The following UBFD1 variants were observed in gnomAD, a reference collection of about 807,000 sequenced individuals.
The protein encoded by UBFD1 is ubiquitin domain-containing protein UBFD1.
Under a neutral mutation model 35.1 loss-of-function variants are expected in UBFD1, and 12 were observed. The observed-to-expected ratio is 0.34, with a 90% confidence interval of 0.22 to 0.55. The LOEUF is 0.55. UBFD1 is among the 20% of genes least tolerant of loss of function. The probability of loss-of-function intolerance (pLI) is 0.89; values close to 1 mark genes in which losing one functional copy is unlikely to be tolerated. For synonymous variants in UBFD1, 178 were observed against 167.6 expected (o/e 1.06, Z -0.48); for missense variants, 337 against 410.8 (o/e 0.82, Z 1.55).
At chr16:23,558,341 C>T (rs1965860422) in intron 2 of UBFD1, 62 bp downstream of exon 2, 2 of 1,561,192 alleles carry the variant, frequency 1.3e-6, no homozygotes, top group African/African-American at 2.8e-5. Context: ...CCCTTGCACC[C>T]TACTAGGCAC....
At chr16:23,570,351 G>A (rs192781557) in intron 6 of UBFD1, 129 bp from the exon 7 acceptor site, 10 of 708,170 alleles carry the variant, frequency 1.4e-5, no homozygotes, top group Admixed American at 1.0e-4. Flanking sequence ...TGCTCCCCAC[G>A]TGCAAAGTTT....
At chr16:23,562,381 A>G (rs1965949223) in intron 4 of UBFD1, 110 bp downstream of exon 4, 3 of 979,398 alleles carry the variant, frequency 3.1e-6, no homozygotes, top group Non-Finnish European at 3.0e-6. Context: ...TTTTTTTTTG[A>G]GACAGAGTCT....
In UBFD1 at chr16:23,571,310, A is replaced by G. The variant is rs1384807782; in HGVS notation, c.*720A>G. ...GCTCAGTCTTGGGCAAGGAGCTCTCACACTTGCTGTGGTGTTCGTTGAGCA... is the reference window on the plus strand; with the variant it reads ...GCTCAGTCTTGGGCAAGGAGCTCTCGCACTTGCTGTGGTGTTCGTTGAGCA... On this transcript the variant is annotated 3_prime_UTR_variant, in exon 7 of 7. Coordinates refer to ENST00000395878, the MANE Select transcript of UBFD1 (RefSeq NM_019116.3). The G allele has an allele frequency of 1.3e-5, 2 of 152,662 alleles. No homozygotes were observed. Among genetic ancestry groups the G allele is most frequent in the Non-Finnish European group, 2.9e-5 (2 of 68,048 alleles). 9.5% of individuals were successfully genotyped at this position (152,662 alleles called of 1,614,324 possible). A position where few individuals can be genotyped will look rare whatever the true frequency, so the allele number is the denominator to read the frequency against.
At chr16:23,570,260 C>T (rs149558840) in intron 6 of UBFD1, among the ~76,000 whole-genome samples, 174 of 152,272 alleles carry the variant, frequency 1.1e-3, no homozygotes, top group African/African-American at 3.9e-3. Context: ...CTCTGATGAC[C>T]ACTCAGGTTT....
chr16:23,568,131 C>T (rs1428007435), intron 6 of UBFD1, among the ~76,000 whole-genome samples: 3 of 151,644 alleles, frequency 2.0e-5, no homozygotes, highest in Non-Finnish European at 4.4e-5. Context: ...CCTTGGCAGC[C>T]CTTCCACCCC....
intron 5 of UBFD1, chr16:23,564,022 G>A (rs770456586): frequency 6.6e-6 from 1 of 152,172 alleles, no homozygotes; most frequent in Non-Finnish European, 1.5e-5. Flanking sequence ...TCTCTGACTT[G>A]TCTGTCCCCC....
chr16:23,560,674 A>G (rs1054695437), intron 3 of UBFD1, among the ~76,000 whole-genome samples: 1 of 152,206 alleles, frequency 6.6e-6, no homozygotes, highest in Admixed American at 6.5e-5. Context: ...TTTGGTGACA[A>G]GGTACTGCCC....
chr16:23,558,222 A>G lies in UBFD1; in HGVS notation c.298A>G (p.Lys100Glu). The G allele has an allele frequency of 6.2e-7, 1 of 1,610,346 alleles. No individual in the cohort carries two copies. Among genetic ancestry groups the G allele is most frequent in the Non-Finnish European group, 8.5e-7 (1 of 1,178,498 alleles). The stretch of plus-strand genomic sequence containing the variant: ...CTGGAATAAGACCAAGCATGACGTG[A>G]AGTTCCCCCTGGACAGCACAGGCTC... ...IIWNKTKHDV[K>E]FPLDSTGSEL... Residue 100 changes from lysine (K) to glutamate (E), a missense_variant, in exon 2 of 7, where the codon AAG (lysine) becomes GAG (glutamate). Physicochemically the swap from Lys to Glu is moderately conservative, Grantham distance 56. Coordinates refer to ENST00000395878, the MANE Select transcript of UBFD1 (RefSeq NM_019116.3).
chr16:23,574,131 C>T lies in UBFD1; in HGVS notation c.*3541C>T, dbSNP rs1966122833. 2 of 152,578 alleles carry T rather than the reference C, an allele frequency of 1.3e-5. No individual in the cohort carries two copies. Among genetic ancestry groups the T allele is most frequent in the African/African-American group, 2.4e-5 (1 of 41,434 alleles). The allele number at this position is 152,578 out of a possible 1,614,324, so 9.5% of individuals were successfully genotyped here. A position where few individuals can be genotyped will look rare whatever the true frequency, so the allele number is the denominator to read the frequency against. On this transcript the variant is annotated 3_prime_UTR_variant, in exon 7 of 7. Transcript: ENST00000395878. ...CCAGGCTGGGTGGTTCTACTGCTTT[C>T]TCAATTTCTAAGAACCTTTTTTTTT...
chr16:23,569,941 A>G (rs1270943062), intron 6 of UBFD1, among the ~76,000 whole-genome samples: 1 of 152,248 alleles, frequency 6.6e-6, no homozygotes, highest in African/African-American at 2.4e-5. Flanking sequence ...CTCTTTAAAA[A>G]GAGCTCCAGT....
chr16:23,567,105 A>AGACTCCCACTT (rs749458109), intron 6 of UBFD1, 36 bp downstream of exon 6: 2 of 1,587,542 alleles, frequency 1.3e-6, no homozygotes, highest in Non-Finnish European at 1.7e-6. Context: ...CCCTCTCACT[A>AGACTCCCACTT]GACTCCCACT....
chr16:23,558,229 C>T lies in UBFD1; in HGVS notation c.305C>T (p.Pro102Leu), dbSNP rs769607029. Residue 102 changes from proline to leucine, a missense_variant, in exon 2 of 7, where the codon CCC becomes CTC. This residue lies in a region of UBFD1 where 198 missense variants were observed against 168.4 expected (regional missense o/e 1.18). Transcript: ENST00000395878. ...WNKTKHDVKF[P>L]LDSTGSELKQ... ...AAGACCAAGCATGACGTGAAGTTCCCCCTGGACAGCACAGGCTCCGAGCTG... is the reference window on the plus strand; with the variant it reads ...AAGACCAAGCATGACGTGAAGTTCCTCCTGGACAGCACAGGCTCCGAGCTG... The T allele has an allele frequency of 6.2e-7, 1 of 1,609,770 alleles. No individual in the cohort carries two copies. Among genetic ancestry groups the T allele is most frequent in the Non-Finnish European group, 8.5e-7 (1 of 1,178,282 alleles).
chr16:23,560,995 G>A (rs1567398593), intron 3 of UBFD1, among the ~76,000 whole-genome samples: 1 of 152,140 alleles, frequency 6.6e-6, no homozygotes, highest in East Asian at 1.9e-4. Context: ...CTAAATACAG[G>A]TTTTTAGTTA....
intron 3 of UBFD1, among the ~76,000 whole-genome samples, chr16:23,561,036 TC>T (rs1489657596): frequency 6.6e-6 from 1 of 152,184 alleles, no homozygotes; most frequent in African/African-American, 2.4e-5. Flanking sequence ...TTAGAACTGT[TC>T]TCCACAGTAC....
chr16:23,559,209 C>T (rs1965889448), intron 2 of UBFD1: 1 of 339,266 alleles, frequency 2.9e-6, no homozygotes, highest in African/African-American at 2.1e-5. Context: ...AACAATTATT[C>T]AATGCTAGCC....
At position 23,566,950 on chromosome 16, in the gene UBFD1, G is replaced by A. The variant is rs780612238; in HGVS notation, c.737-37G>A. The A allele has an allele frequency of 3.8e-6, 6 of 1,599,624 alleles. No individual in the cohort carries two copies. The African/African-American group carries it at 5.4e-5, about 14-fold the overall frequency. On this transcript the variant is annotated intron_variant, in intron 5 of 6. Coordinates refer to ENST00000395878, the MANE Select transcript of UBFD1 (RefSeq NM_019116.3). Reference sequence around the variant, plus strand: ...GAGTCAGAGAAGTTAGAACAGGAGGGCCCTTTGAATAATCACTGTAATCCC... The same window carrying A: ...GAGTCAGAGAAGTTAGAACAGGAGGACCCTTTGAATAATCACTGTAATCCC...
chr16:23,562,548 G>A (rs1965951932), intron 4 of UBFD1, 77 bp from the exon 5 acceptor site: 13 of 1,376,472 alleles, frequency 9.4e-6, no homozygotes, highest in African/African-American at 4.3e-5. Flanking sequence ...GATTACAGGC[G>A]TGAGCCACCG....
intron 6 of UBFD1, among the ~76,000 whole-genome samples, chr16:23,567,331 T>C (rs1046251325): frequency 9.2e-5 from 14 of 152,224 alleles, no homozygotes; most frequent in Non-Finnish European, 2.1e-4. Flanking sequence ...TAGAAAAGTC[T>C]CTCTTGCCTC....
At chr16:23,559,754 C>T in intron 3 of UBFD1, 78 bp downstream of exon 3, 7 of 1,584,308 alleles carry the variant, frequency 4.4e-6, no homozygotes, top group African/African-American at 1.4e-5. Context: ...TATATTCTCC[C>T]TAGAATAAGC....
Sources: gnomAD v4.1 joint callset for allele counts (sites outside exome capture counted in the v4.1 genomes callset) on GRCh38, gnomAD v4.1.1 for gene constraint, gnomAD v4.1.1 regional missense constraint, MANE v1.5 for transcripts, NCBI Gene and HGNC (gene_info 2026-07-23, HGNC 2026-07-21) for gene names.